Variants in DLGAP2 observed in about 807,000 individuals in gnomAD.
The protein encoded by DLGAP2 is disks large-associated protein 2.
A neutral mutation model predicts 100.3 loss-of-function variants in DLGAP2; 26 were observed. The observed-to-expected ratio is 0.26, with a 90% CI of 0.19 to 0.36. DLGAP2 has a LOEUF of 0.36. DLGAP2 is among the 10% of genes least tolerant of loss of function. DLGAP2 has a pLI of 1.00. For synonymous variants in DLGAP2, 886 were observed against 630.1 expected, an observed-to-expected ratio of 1.41 and a Z score of -6.08; for missense variants, 1,858 against 1,453.2, an observed-to-expected ratio of 1.28 and a Z score of -4.53.
At position 1,668,360 on chromosome 8, in the gene DLGAP2, C is replaced by T. The variant is rs1798597767; in HGVS notation, c.1842C>T (p.Pro614=). Residue 614 remains proline (P), a synonymous_variant, in exon 9 of 15, where the codon CCC becomes CCT. Transcript: ENST00000637795. The part of the protein sequence containing the change: ...AVSYTNYKKT[P]PPVPPRTTSK... ...CATATACAAATTACAAGAAAACGCC[C>T]CCACCGGTGCCCCCTCGGACCACCT... The T allele has an allele frequency of 6.5e-7, 1 of 1,542,576 alleles. No individual in the cohort carries two copies. Among genetic ancestry groups the T allele is most frequent in the South Asian group, 1.3e-5 (1 of 79,640 alleles).
rs1474244533 is a variant in DLGAP2 at position 1,609,425 on chromosome 8, G to A, written c.1443-17315G>A. ...TGGAAAGGAACGACCGGTACCAGCT[G>A]CTGCAAAATCATGCCAAAATGTAAA... On this transcript the variant is annotated intron_variant, in intron 6 of 14. Transcript: ENST00000637795. Among the ~76,000 whole-genome samples, 118 of 136,822 alleles carry A rather than the reference G, an allele frequency of 8.6e-4. 4 individuals are homozygous for A. The highest frequency in any genetic ancestry group is 3.0e-3 in the African/African-American group (115 of 38,340). The allele number at this position is 136,822 out of a possible 152,430, so 89.8% of individuals were successfully genotyped here. A position where few individuals can be genotyped will look rare whatever the true frequency, so the allele number is the denominator to read the frequency against.
At chr8:1,133,991 C>T (rs555809529) in intron 2 of DLGAP2, among the ~76,000 whole-genome samples, 1 of 151,954 alleles carries the variant, frequency 6.6e-6, no homozygotes, top group Admixed American at 6.6e-5. Flanking sequence ...ACTCCTCCCC[C>T]TCCTCCCCCC....
intron 1 of DLGAP2, chr8:739,771 T>C (rs1397859265): frequency 6.6e-6 from 1 of 152,182 alleles, no homozygotes; most frequent in Non-Finnish European, 1.5e-5. Context: ...TGGTGTGACT[T>C]TTTCATTGCT....
chr8:1,591,323 G>C (rs736236), intron 6 of DLGAP2, among the ~76,000 whole-genome samples: 110,146 of 152,030 alleles, frequency 0.72, 40,447 homozygotes, highest in East Asian at 0.92. Context: ...CTGGCTCCAT[G>C]TGGGCCAGGT....
intron 6 of DLGAP2, among the ~76,000 whole-genome samples, chr8:1,574,326 A>C (rs963267344): frequency 6.6e-6 from 1 of 152,106 alleles, no homozygotes; most frequent in Admixed American, 6.5e-5. Flanking sequence ...GACTTGTAAT[A>C]CACCAAGAAC....
intron 2 of DLGAP2, among the ~76,000 whole-genome samples, chr8:1,085,239 G>A (rs1267851858): frequency 7.2e-5 from 11 of 152,118 alleles, no homozygotes; most frequent in Admixed American, 7.2e-4. Flanking sequence ...AGTTGTTTGA[G>A]TTCTTACATA....
At position 1,582,044 on chromosome 8, in the gene DLGAP2, CCA is replaced by C. The variant is rs568283485; in HGVS notation, c.1442+16153_1442+16154del. 4.4e-3 allele frequency among the ~76,000 whole-genome samples: 661 copies of C among 148,588 alleles called. 6 individuals are homozygous for C. The highest frequency in any genetic ancestry group is 0.016 in the African/African-American group (626 of 39,866). ...AAAAAACCCCACACACGTCTACACA[CCA>C]CAGTCAAACTACCAGAAGTGAAGGA... is the stretch of plus-strand genomic sequence containing the variant. On this transcript the variant is annotated intron_variant, in intron 6 of 14. Coordinates refer to ENST00000637795, the MANE Select transcript of DLGAP2 (RefSeq NM_001346810.2).
At chr8:1,362,741 A>G (rs1416081698) in intron 3 of DLGAP2, among the ~76,000 whole-genome samples, 24 of 152,374 alleles carry the variant, frequency 1.6e-4, no homozygotes, top group Non-Finnish European at 3.2e-4. Flanking sequence ...CCAAAGCCTT[A>G]GTGTCAAGCA....
intron 3 of DLGAP2, among the ~76,000 whole-genome samples, chr8:1,327,450 CTT>C (rs1801046984): frequency 1.3e-5 from 2 of 152,190 alleles, no homozygotes; most frequent in Admixed American, 6.5e-5. Flanking sequence ...GGTTTAGTGA[CTT>C]CTCGTCATTT....
At chr8:1,474,036 CA>C (rs1798870070) in intron 3 of DLGAP2, among the ~76,000 whole-genome samples, 3 of 152,054 alleles carry the variant, frequency 2.0e-5, no homozygotes, top group South Asian at 2.1e-4. Flanking sequence ...TTTTATCCTT[CA>C]CCCCTTCCCC....
At chr8:785,397 C>G (rs1425589978) in intron 1 of DLGAP2, among the ~76,000 whole-genome samples, 1 of 149,658 alleles carries the variant, frequency 6.7e-6, no homozygotes, top group South Asian at 2.1e-4. Context: ...AGACCGGCTT[C>G]TCTCCTCCCC....
chr8:1,438,966 G>T (rs1447438405), intron 3 of DLGAP2, among the ~76,000 whole-genome samples: 4 of 152,148 alleles, frequency 2.6e-5, no homozygotes, highest in African/African-American at 9.7e-5. Context: ...GTTAAAATAA[G>T]ATTGGCCACT....
intron 2 of DLGAP2, among the ~76,000 whole-genome samples, chr8:1,158,713 C>A (rs557111302): frequency 1.3e-5 from 2 of 152,222 alleles, no homozygotes; most frequent in Non-Finnish European, 2.9e-5. Context: ...CCTTTGTGGG[C>A]TGCGCACCCA....
chr8:935,664 G>A (rs2129004219), intron 2 of DLGAP2, among the ~76,000 whole-genome samples: 1 of 152,134 alleles, frequency 6.6e-6, no homozygotes, highest in East Asian at 1.9e-4. Flanking sequence ...GTCGTGTTCT[G>A]TCATCCGTCG....
At chr8:906,111 A>T (rs903891512) in intron 1 of DLGAP2, among the ~76,000 whole-genome samples, 1 of 152,226 alleles carries the variant, frequency 6.6e-6, no homozygotes, top group Non-Finnish European at 1.5e-5. Context: ...ACCTATGGGC[A>T]GCCCCTCCTT....
Position 1,430,887 on chromosome 8 carries a change from T to C in DLGAP2, c.107-70479T>C, listed in dbSNP as rs538906909. Among the ~76,000 whole-genome samples the C allele has an allele frequency of 1.6e-4, 25 of 152,226 alleles. 1 individual carries two copies. Among genetic ancestry groups the C allele is most frequent in the Admixed American group, 3.3e-4 (5 of 15,286 alleles). On this transcript the variant is annotated intron_variant, in intron 3 of 14. Transcript: ENST00000637795. ...GATATCAGGCATTGGCAATAATGAA[T>C]GAATAATGAAAAGATCTGGTTTCCT...
intron 3 of DLGAP2, among the ~76,000 whole-genome samples, chr8:1,305,343 A>G (rs1800465877): frequency 6.6e-6 from 1 of 152,202 alleles, no homozygotes; most frequent in African/African-American, 2.4e-5. Flanking sequence ...TACTGAAGCT[A>G]TGATCTTCAG....
chr8:1,422,382 G>A (rs970744479), intron 3 of DLGAP2, among the ~76,000 whole-genome samples: 2 of 152,136 alleles, frequency 1.3e-5, no homozygotes, highest in African/African-American at 4.8e-5. Flanking sequence ...CACAACTCAA[G>A]TCTTAATGAC....
At chr8:917,973 A>G (rs886283294) in intron 2 of DLGAP2, among the ~76,000 whole-genome samples, 5 of 152,208 alleles carry the variant, frequency 3.3e-5, no homozygotes, top group African/African-American at 1.2e-4. Context: ...GAGATATGTA[A>G]TGATTAATTT....
Sources: allele counts gnomAD v4.1 joint callset (sites outside exome capture counted in the v4.1 genomes callset), GRCh38; gene constraint gnomAD v4.1.1; transcripts MANE v1.5; gene names NCBI Gene and HGNC (gene_info 2026-07-23, HGNC 2026-07-21).